Variants in RNF130 observed in about 807,000 individuals in gnomAD.
RNF130 encodes E3 ubiquitin-protein ligase RNF130.
RNF130 carries 21 observed loss-of-function variants against 44.6 expected under a neutral mutation model. The ratio of observed to expected loss-of-function variants is 0.47; its 90% confidence interval spans 0.33 to 0.68. The LOEUF is 0.68. Ranked by LOEUF, RNF130 falls within the 30% of genes least tolerant of loss-of-function variation. The pLI is 0.02. For synonymous variants in RNF130, 214 were observed against 210.4 expected, an observed-to-expected ratio of 1.02 and a Z score of -0.15; for missense variants, 479 against 560.6, an observed-to-expected ratio of 0.85 and a Z score of 1.47.
At chr5:180,046,160 C>T (rs957669677) in intron 1 of RNF130, among the ~76,000 whole-genome samples, 18 of 152,296 alleles carry the variant, frequency 1.2e-4, no homozygotes, top group East Asian at 1.2e-3. Context: ...AGGGACCCAG[C>T]GCACCCTCCG....
At chr5:180,016,484 C>T (rs1488419374) in intron 2 of RNF130, among the ~76,000 whole-genome samples, 1 of 152,216 alleles carries the variant, frequency 6.6e-6, no homozygotes, top group Non-Finnish European at 1.5e-5. Flanking sequence ...ATGTCCCAGG[C>T]CCTGGGCAAA....
At chr5:179,970,762 T>C (rs1347040846) in intron 5 of RNF130, among the ~76,000 whole-genome samples, 1 of 152,246 alleles carries the variant, frequency 6.6e-6, no homozygotes, top group African/African-American at 2.4e-5. Flanking sequence ...TTTACCAAAT[T>C]CCAAAAAGGA....
intron 7 of RNF130, among the ~76,000 whole-genome samples, chr5:179,930,027 T>C (rs1298384763): frequency 1.3e-5 from 2 of 152,178 alleles, no homozygotes; most frequent in Non-Finnish European, 1.5e-5. Context: ...GTAAATGTTA[T>C]CTTTTTTGAA....
At chr5:180,012,344 C>T (rs1271784574) in intron 3 of RNF130, among the ~76,000 whole-genome samples, 2 of 152,114 alleles carry the variant, frequency 1.3e-5, no homozygotes, top group Admixed American at 6.6e-5. Flanking sequence ...GTTTTCTACA[C>T]AAAAAGTCTA....
At chr5:179,915,431 G>A (rs995915510) in exon 8 of RNF130, 3 of 152,774 alleles carry the variant, frequency 2.0e-5, no homozygotes, top group African/African-American at 7.2e-5. Flanking sequence ...CTCCACCTGG[G>A]CACCAGGTTC....
chr5:180,045,939 C>T (rs1163166813), intron 1 of RNF130, among the ~76,000 whole-genome samples: 1 of 152,224 alleles, frequency 6.6e-6, no homozygotes, highest in East Asian at 1.9e-4. Flanking sequence ...TAGTGGATCC[C>T]GTGCGGCATG....
chr5:179,998,066 T>G (rs1483642192), intron 3 of RNF130, among the ~76,000 whole-genome samples: 1 of 152,086 alleles, frequency 6.6e-6, no homozygotes, highest in Non-Finnish European at 1.5e-5. Context: ...GGTCTTGATC[T>G]CTTGACCTCG....
intron 3 of RNF130, among the ~76,000 whole-genome samples, chr5:179,988,704 A>G (rs1034966591): frequency 6.6e-6 from 1 of 152,200 alleles, no homozygotes; most frequent in Non-Finnish European, 1.5e-5. Flanking sequence ...TACTGTTTCC[A>G]AAGTTCCTCT....
At chr5:179,924,673 C>T (rs1428404314) in intron 7 of RNF130, among the ~76,000 whole-genome samples, 1 of 152,068 alleles carries the variant, frequency 6.6e-6, no homozygotes, top group Non-Finnish European at 1.5e-5. Flanking sequence ...CCTGTAATCC[C>T]AGCTACACAG....
At chr5:180,060,128 TC>T (rs912817386) in intron 1 of RNF130, among the ~76,000 whole-genome samples, 44 of 152,118 alleles carry the variant, frequency 2.9e-4, no homozygotes, top group African/African-American at 1.0e-3. Flanking sequence ...AGGAAATGAT[TC>T]CCCCTGAGAG....
At chr5:180,070,990 C>A (rs942304293) in intron 1 of RNF130, among the ~76,000 whole-genome samples, 7 of 151,370 alleles carry the variant, frequency 4.6e-5, no homozygotes, top group Admixed American at 2.0e-4. Flanking sequence ...CACCCCCCCC[C>A]CAATTTACCA....
chr5:180,008,393 C>T (rs1763511089), intron 3 of RNF130, among the ~76,000 whole-genome samples: 1 of 152,128 alleles, frequency 6.6e-6, no homozygotes, highest in East Asian at 1.9e-4. Flanking sequence ...AAAAGCTGTG[C>T]CCACTGGTCT....
intron 2 of RNF130, among the ~76,000 whole-genome samples, chr5:180,033,696 T>TAAAAAAAAA (rs34698128): frequency 6.7e-6 from 1 of 148,888 alleles, no homozygotes; most frequent in African/African-American, 2.5e-5. Context: ...ACTCTGCCTT[T>TAAAAAAAAA]AAAAAAAAAA....
intron 2 of RNF130, among the ~76,000 whole-genome samples, chr5:180,020,250 C>T (rs1434878021): frequency 1.3e-5 from 2 of 152,202 alleles, no homozygotes; most frequent in African/African-American, 4.8e-5. Context: ...CAGGTGGATT[C>T]TCAAGTTGCC....
chr5:179,981,093 G>A (rs1169055510), intron 3 of RNF130, among the ~76,000 whole-genome samples: 1 of 152,170 alleles, frequency 6.6e-6, no homozygotes, highest in African/African-American at 2.4e-5. Flanking sequence ...GTAGGGTTAG[G>A]AGGGGGTTCC....
intron 8 of RNF130, among the ~76,000 whole-genome samples, chr5:179,962,979 A>G (rs1005173448): frequency 6.6e-6 from 1 of 152,178 alleles, no homozygotes; most frequent in Non-Finnish European, 1.5e-5. Flanking sequence ...CTGTCCTAAC[A>G]TCTGGAAACA....
chr5:179,943,056 G>A (rs190235410), intron 7 of RNF130, among the ~76,000 whole-genome samples: 6 of 152,268 alleles, frequency 3.9e-5, no homozygotes, highest in Non-Finnish European at 5.9e-5. Context: ...TTAGTTGGGC[G>A]TGGTGGCACG....
In RNF130 at chr5:179,970,401, G is replaced by T; in HGVS notation, c.945+9C>A. On this transcript the variant is annotated intron_variant, in intron 6 of 8. Coordinates refer to ENST00000521389, the MANE Select transcript of RNF130 (RefSeq NM_018434.6). The stretch of plus-strand genomic sequence containing the variant: ...ACAAAAGTGGTAACAAATAAAATAG[G>T]AAACGTACCACAATTCCCAGGGCCT... 6.3e-7 allele frequency: 1 copy of T among 1,595,148 alleles called. No homozygotes were observed. The highest frequency in any genetic ancestry group is 8.6e-7 in the Non-Finnish European group (1 of 1,166,910).
At chr5:179,924,086 T>G (rs1365116707) in intron 7 of RNF130, among the ~76,000 whole-genome samples, 1 of 152,220 alleles carries the variant, frequency 6.6e-6, no homozygotes, top group Non-Finnish European at 1.5e-5. Flanking sequence ...GGTCAGTATC[T>G]GTAATCCCAG....
Sources: allele counts gnomAD v4.1 joint callset (sites outside exome capture counted in the v4.1 genomes callset), GRCh38; gene constraint gnomAD v4.1.1; transcripts MANE v1.5; gene names NCBI Gene and HGNC (gene_info 2026-07-23, HGNC 2026-07-21).